The following MALRD1 variants were observed in gnomAD, a reference collection of about 807,000 sequenced individuals.
MALRD1 encodes the protein MAM and LDL-receptor class A domain-containing protein 1.
Under a neutral mutation model 242.1 loss-of-function variants are expected in MALRD1, and 247 were observed. The observed-to-expected ratio is 1.02, with a 90% CI of 0.92 to 1.13. The LOEUF is 1.13. Among genes scored for constraint, MALRD1 ranks in the 50% most tolerant of loss-of-function variants. The probability of loss-of-function intolerance (pLI) is 0.00; values close to 1 mark genes in which losing one functional copy is unlikely to be tolerated. For synonymous variants in MALRD1, 995 were observed against 866.6 expected (o/e 1.15, Z -2.60); for missense variants, 2,989 against 2,533.1 (o/e 1.18, Z -3.86).
intron 28 of MALRD1, among the ~76,000 whole-genome samples, chr10:19,427,930 T>C (rs1047003384): frequency 1.3e-5 from 2 of 152,170 alleles, no homozygotes; most frequent in Admixed American, 6.5e-5. Context: ...CTTATGTATG[T>C]TGCATATCAC....
intron 1 of MALRD1, among the ~76,000 whole-genome samples, chr10:19,065,521 C>T (rs1244075279): frequency 6.6e-6 from 1 of 152,000 alleles, no homozygotes. Context: ...CCCGACTGGA[C>T]CAGATCCTAT....
chr10:19,120,548 A>T (rs1327444320), intron 5 of MALRD1, among the ~76,000 whole-genome samples: 1 of 152,214 alleles, frequency 6.6e-6, no homozygotes, highest in Non-Finnish European at 1.5e-5. Flanking sequence ...TACAGCCTGC[A>T]TGATTCCATT....
chr10:19,445,965 C>T (rs964396817), intron 28 of MALRD1, among the ~76,000 whole-genome samples: 9 of 152,178 alleles, frequency 5.9e-5, no homozygotes, highest in East Asian at 5.8e-4. Flanking sequence ...GCTTCCTGGT[C>T]GCTTTGTTTA....
intron 36 of MALRD1, among the ~76,000 whole-genome samples, chr10:19,690,425 A>G (rs1467788050): frequency 4.6e-5 from 7 of 152,074 alleles, no homozygotes; most frequent in African/African-American, 1.2e-4. Flanking sequence ...TTAGAAACAT[A>G]CATAATAAAA....
intron 28 of MALRD1, among the ~76,000 whole-genome samples, chr10:19,431,927 A>G (rs923774684): frequency 7.9e-5 from 12 of 152,182 alleles, no homozygotes. Context: ...TCCTCCTGTC[A>G]GGTGCTTCCT....
chr10:19,450,166 T>A, intron 28 of MALRD1, 141 bp from the exon 29 acceptor site: 1 of 732,058 alleles, frequency 1.4e-6, no homozygotes, highest in Non-Finnish European at 2.1e-6. Flanking sequence ...TAAGATCACC[T>A]TTCACAGATT....
At chr10:19,393,213 T>A (rs1846411838) in intron 28 of MALRD1, among the ~76,000 whole-genome samples, 1 of 152,242 alleles carries the variant, frequency 6.6e-6, no homozygotes. Flanking sequence ...GGCATCCTTA[T>A]TTTTGCTAAT....
intron 33 of MALRD1, among the ~76,000 whole-genome samples, chr10:19,592,881 C>A (rs1837890596): frequency 6.6e-6 from 1 of 151,498 alleles, no homozygotes; most frequent in South Asian, 2.1e-4. Flanking sequence ...AAGGTTAATA[C>A]TTAGCTAAGT....
chr10:19,347,988 A>G lies in MALRD1; in HGVS notation c.4119A>G (p.Pro1373=). The part of the protein sequence containing the change: ...QPMRAARISS[P]VISKRSKNCK... ...TGAGAGCTGCCAGAATTTCAAGTCC[A>G]GTTATAAGTAAGAGAAGCAAAAACT... The change falls in exon 25 of 40, where the codon CCA becomes CCG. Residue 1373 remains proline, a synonymous_variant. Transcript: ENST00000454679. 1 of 1,550,498 alleles carries G rather than the reference A, an allele frequency of 6.4e-7. No individual in the cohort carries two copies. The highest frequency in any genetic ancestry group is 8.7e-7 in the Non-Finnish European group (1 of 1,146,842).
chr10:19,280,542 TATAAA>T (rs1191365449), intron 20 of MALRD1, among the ~76,000 whole-genome samples: 1 of 152,208 alleles, frequency 6.6e-6, no homozygotes, highest in Non-Finnish European at 1.5e-5. Flanking sequence ...CTCCTCACAC[TATAAA>T]ATAGGGAATG....
At chr10:19,587,337 A>G (rs981262172) in intron 33 of MALRD1, among the ~76,000 whole-genome samples, 3 of 152,240 alleles carry the variant, frequency 2.0e-5, no homozygotes, top group African/African-American at 4.8e-5. Context: ...ATATTTTACA[A>G]TGAGCATTTT....
intron 24 of MALRD1, among the ~76,000 whole-genome samples, chr10:19,341,787 A>T (rs1843891697): frequency 6.6e-6 from 1 of 152,072 alleles, no homozygotes; most frequent in African/African-American, 2.4e-5. Flanking sequence ...GAGTTAAAAA[A>T]ACAAAGACAT....
At chr10:19,249,928 A>C (rs936585762) in intron 18 of MALRD1, among the ~76,000 whole-genome samples, 1 of 152,004 alleles carries the variant, frequency 6.6e-6, no homozygotes, top group African/African-American at 2.4e-5. Flanking sequence ...ACATAGAAAC[A>C]TAAAAATGGG....
At chr10:19,596,426 A>G (rs188624828) in intron 34 of MALRD1, among the ~76,000 whole-genome samples, 29 of 152,266 alleles carry the variant, frequency 1.9e-4, no homozygotes, top group African/African-American at 5.5e-4. Flanking sequence ...AAATGTAACT[A>G]TAAGAGGGGA....
intron 32 of MALRD1, among the ~76,000 whole-genome samples, chr10:19,556,454 T>C (rs891844345): frequency 1.3e-5 from 2 of 151,794 alleles, no homozygotes; most frequent in African/African-American, 2.4e-5. Context: ...CCCAAAACCC[T>C]TTTTTTTACT....
At chr10:19,183,079 A>C (rs993179189) in intron 14 of MALRD1, among the ~76,000 whole-genome samples, 2 of 151,554 alleles carry the variant, frequency 1.3e-5, no homozygotes, top group African/African-American at 4.8e-5. Context: ...GAAAATTAGC[A>C]AACGACCTCC....
At chr10:19,437,602 C>A (rs1031755470) in intron 28 of MALRD1, among the ~76,000 whole-genome samples, 1 of 151,952 alleles carries the variant, frequency 6.6e-6, no homozygotes. Flanking sequence ...CATTGCTTGT[C>A]TTTTCACTCA....
chr10:19,138,333 G>A (rs1040561269), intron 10 of MALRD1, among the ~76,000 whole-genome samples: 2 of 151,832 alleles, frequency 1.3e-5, no homozygotes, highest in South Asian at 4.2e-4. Context: ...CTTCATTTCT[G>A]TTGGGGAAAT....
intron 31 of MALRD1, among the ~76,000 whole-genome samples, chr10:19,530,408 T>TAA (rs58374618): frequency 4.2e-5 from 3 of 71,126 alleles, no homozygotes; most frequent in African/African-American, 6.2e-5. Flanking sequence ...ATATTATATA[T>TAA]TTATATAATA....
Sources: gnomAD v4.1 joint callset for allele counts (sites outside exome capture counted in the v4.1 genomes callset) on GRCh38, gnomAD v4.1.1 for gene constraint, MANE v1.5 for transcripts, NCBI Gene and HGNC (gene_info 2026-07-23, HGNC 2026-07-21) for gene names.